GUCY1A2: variants seen among roughly 807,000 people sequenced by gnomAD.
GUCY1A2 encodes the protein guanylate cyclase soluble subunit alpha-2.
GUCY1A2 carries 27 observed loss-of-function variants against 63.5 expected under a neutral mutation model. That is an observed-to-expected ratio of 0.43 (90% confidence interval 0.31 to 0.59). The LOEUF (loss-of-function observed/expected upper bound fraction) is 0.59, where lower values mean the gene tolerates loss of function less well. GUCY1A2 is among the 20% of genes least tolerant of loss of function. The probability of loss-of-function intolerance (pLI) is 0.11; values close to 1 mark genes in which losing one functional copy is unlikely to be tolerated. For missense variants in GUCY1A2, 768 were observed against 913.3 expected (o/e 0.84, Z 2.05); for synonymous variants, 364 against 343.5 (o/e 1.06, Z -0.66).
At chr11:106,794,962 T>C (rs1017906816) in intron 5 of GUCY1A2, among the ~76,000 whole-genome samples, 2 of 152,172 alleles carry the variant, frequency 1.3e-5, no homozygotes, top group South Asian at 2.1e-4. Context: ...ATGGAGTCAA[T>C]TGCTGATACT....
At chr11:106,927,555 T>C (rs565548830) in intron 4 of GUCY1A2, among the ~76,000 whole-genome samples, 1 of 151,516 alleles carries the variant, frequency 6.6e-6, no homozygotes, top group Non-Finnish European at 1.5e-5. Flanking sequence ...AATAATAAAC[T>C]CTTGTATGGA....
rs1194829485 is a variant in GUCY1A2, at chr11:106,986,083, G to A, written c.352C>T (p.His118Tyr). 2.0e-6 allele frequency: 3 copies of A among 1,469,392 alleles called. No homozygotes were observed. The highest frequency in any genetic ancestry group is 1.4e-5 in the African/African-American group (1 of 72,286). 91.0% of individuals were successfully genotyped at this position (1,469,392 alleles called of 1,614,324 possible). A position where few individuals can be genotyped will look rare whatever the true frequency, so the allele number is the denominator to read the frequency against. ...ATTTTTACTTACCCAATAACTTGAT[G>A]TTCATAATACTGCAGTGTCCTCTTG... ...TLKRTLQYYEHQVIGYRDAEK... is the reference protein window; with the variant it reads ...TLKRTLQYYEYQVIGYRDAEK... The change falls in exon 2 of 8, where the codon CAT becomes TAT. Residue 118 changes from histidine to tyrosine, a missense_variant. His to Tyr is a moderately conservative substitution (Grantham distance 83, BLOSUM62 2). This residue lies in a region of GUCY1A2 where 496 missense variants were observed against 486.9 expected (regional missense o/e 1.02). Transcript: ENST00000526355.
In GUCY1A2 at chr11:106,682,194, A is replaced by G. The variant is rs962138974; in HGVS notation, c.*5355T>C. The G allele has an allele frequency of 1.4e-5, 3 of 211,886 alleles. No individual in the cohort carries two copies. The highest frequency in any genetic ancestry group is 6.8e-5 in the African/African-American group (3 of 43,804). The allele number at this position is 211,886 out of a possible 1,614,324, so 13.1% of individuals were successfully genotyped here. On this transcript the variant is annotated 3_prime_UTR_variant, in exon 8 of 8. Transcript: ENST00000526355. ...AGACCACAAATTGGAAATCAAAGCTAAAATTAAAATTTGTGAAAGAAATAA... is the reference window on the plus strand; with the variant it reads ...AGACCACAAATTGGAAATCAAAGCTGAAATTAAAATTTGTGAAAGAAATAA...
intron 1 of GUCY1A2, among the ~76,000 whole-genome samples, chr11:107,007,822 A>G (rs905660051): frequency 3.1e-4 from 47 of 152,318 alleles, no homozygotes; most frequent in African/African-American, 1.1e-3. Flanking sequence ...TTGGTAATAC[A>G]GGATTTCTTA....
chr11:106,858,230 A>C (rs1160919314), intron 4 of GUCY1A2, among the ~76,000 whole-genome samples: 3 of 152,212 alleles, frequency 2.0e-5, no homozygotes, highest in Non-Finnish European at 4.4e-5. Context: ...GTAAAAATTA[A>C]TGTAGCTAGA....
intron 4 of GUCY1A2, among the ~76,000 whole-genome samples, chr11:106,921,702 A>T (rs1565332432): frequency 6.6e-6 from 1 of 152,136 alleles, no homozygotes; most frequent in Non-Finnish European, 1.5e-5. Context: ...AACTGTGTCT[A>T]TAAAATGCTT....
At chr11:106,818,347 C>A (rs974709833) in intron 4 of GUCY1A2, among the ~76,000 whole-genome samples, 1 of 152,016 alleles carries the variant, frequency 6.6e-6, no homozygotes, top group Non-Finnish European at 1.5e-5. Flanking sequence ...GTTATGGTAA[C>A]CTGTGATCAG....
Position 106,776,506 on chromosome 11 carries a change from G to A in GUCY1A2, c.1769C>T (p.Ala590Val). Residue 590 changes from alanine (A) to valine (V), a missense_variant, in exon 6 of 8, where the codon GCT (alanine) becomes GTT (valine). Ala to Val is a moderately conservative substitution (Grantham distance 64). Coordinates refer to ENST00000526355, the MANE Select transcript of GUCY1A2 (RefSeq NM_000855.3). ...RKSLCHAKPI[A>V]LMALKMMELS... The stretch of plus-strand genomic sequence containing the variant: ...TTCCATCATCTTCAAGGCCATCAGA[G>A]CAATGGGTTTAGCATGGCAGAGGCT... 6.2e-7 allele frequency: 1 copy of A among 1,613,314 alleles called. No homozygotes were observed. The highest frequency in any genetic ancestry group is 8.5e-7 in the Non-Finnish European group (1 of 1,179,246).
At chr11:106,725,729 C>T (rs1335776853) in intron 6 of GUCY1A2, among the ~76,000 whole-genome samples, 1 of 152,094 alleles carries the variant, frequency 6.6e-6, no homozygotes, top group East Asian at 1.9e-4. Flanking sequence ...TTTCAGAGTA[C>T]TTTGAGCCAA....
chr11:106,780,788 T>A (rs1244208520), intron 5 of GUCY1A2, among the ~76,000 whole-genome samples: 1 of 152,140 alleles, frequency 6.6e-6, no homozygotes, highest in Non-Finnish European at 1.5e-5. Flanking sequence ...TTAAGTAAAG[T>A]GTATGTAATA....
intron 4 of GUCY1A2, among the ~76,000 whole-genome samples, chr11:106,851,768 C>T (rs1420391943): frequency 6.6e-6 from 1 of 151,850 alleles, no homozygotes; most frequent in African/African-American, 2.4e-5. Context: ...CTTTGAATCA[C>T]ACCACGCCAG....
intron 6 of GUCY1A2, among the ~76,000 whole-genome samples, chr11:106,725,266 G>A (rs1863387360): frequency 1.5e-5 from 1 of 66,696 alleles, no homozygotes; most frequent in South Asian, 6.0e-4. Flanking sequence ...TCCGCCTCCC[G>A]GGTTCACGCC....
chr11:106,936,603 A>G, intron 4 of GUCY1A2: 2 of 1,016,938 alleles, frequency 2.0e-6, no homozygotes, highest in Non-Finnish European at 2.9e-6. Flanking sequence ...AAACCAAGTG[A>G]TAGAATCAAA....
chr11:106,868,772 G>C (rs1859631131), intron 4 of GUCY1A2, among the ~76,000 whole-genome samples: 1 of 152,002 alleles, frequency 6.6e-6, no homozygotes, highest in South Asian at 2.1e-4. Flanking sequence ...AGTTCATATG[G>C]AACCAAAAAA....
At chr11:106,908,629 CAAT>C (rs1860247825) in intron 4 of GUCY1A2, among the ~76,000 whole-genome samples, 1 of 151,808 alleles carries the variant, frequency 6.6e-6, no homozygotes, top group African/African-American at 2.4e-5. Context: ...TATCATTACT[CAAT>C]TATCCTATTT....
At chr11:106,988,062 T>C (rs915392466) in intron 1 of GUCY1A2, among the ~76,000 whole-genome samples, 3 of 152,198 alleles carry the variant, frequency 2.0e-5, no homozygotes, top group African/African-American at 7.2e-5. Context: ...ATGTTTCTAC[T>C]CATCCAAACA....
intron 6 of GUCY1A2, among the ~76,000 whole-genome samples, chr11:106,732,970 A>G (rs1170713345): frequency 6.6e-6 from 1 of 152,230 alleles, no homozygotes; most frequent in Non-Finnish European, 1.5e-5. Context: ...TCCCTGAGAA[A>G]AATAACACAG....
chr11:106,929,445 ATC>A (rs1860571906), intron 4 of GUCY1A2, among the ~76,000 whole-genome samples: 1 of 152,170 alleles, frequency 6.6e-6, no homozygotes, highest in Non-Finnish European at 1.5e-5. Flanking sequence ...GCTTTTCTAA[ATC>A]TCTCTACTCC....
At chr11:106,908,026 T>C (rs1454667633) in intron 4 of GUCY1A2, among the ~76,000 whole-genome samples, 1 of 152,130 alleles carries the variant, frequency 6.6e-6, no homozygotes, top group Non-Finnish European at 1.5e-5. Context: ...ATTAGGATTA[T>C]AACAGAAACT....
Sources: allele counts gnomAD v4.1 joint callset (sites outside exome capture counted in the v4.1 genomes callset), GRCh38; gene constraint gnomAD v4.1.1; regional missense constraint gnomAD v4.1.1; transcripts MANE v1.5; gene names NCBI Gene and HGNC (gene_info 2026-07-23, HGNC 2026-07-21).